The following THADA variants were observed in gnomAD, a reference collection of about 807,000 sequenced individuals.
THADA encodes the protein THADA armadillo repeat containing, also known as tRNA (32-2'-O)-methyltransferase regulator THADA.
A neutral mutation model predicts 219.8 loss-of-function variants in THADA; 213 were observed. The observed-to-expected ratio is 0.97, with a 90% confidence interval of 0.87 to 1.09. THADA has a LOEUF of 1.09. THADA is among the 50% of genes least tolerant of loss of function. THADA has a pLI of 0.00. For missense variants in THADA, 2,956 were observed against 2,311.3 expected (o/e 1.28, Z -5.72); for synonymous variants, 1,018 against 828.9 (o/e 1.23, Z -3.92).
intron 22 of THADA, among the ~76,000 whole-genome samples, chr2:43,509,492 T>C (rs1170830075): frequency 6.6e-6 from 1 of 152,186 alleles, no homozygotes; most frequent in East Asian, 1.9e-4. Flanking sequence ...CTTAGCAAGG[T>C]AGTACCTGGT....
chr2:43,427,987 T>C (rs906890779), intron 28 of THADA, 113 bp downstream of exon 28: 49 of 425,250 alleles, frequency 1.2e-4, no homozygotes, highest in Non-Finnish European at 1.3e-4. Context: ...ATAATATATA[T>C]ATATAAAATA....
At chr2:43,259,399 T>C (rs1032799034) in intron 36 of THADA, among the ~76,000 whole-genome samples, 4 of 152,216 alleles carry the variant, frequency 2.6e-5, no homozygotes, top group African/African-American at 9.6e-5. Context: ...TAGTACATGA[T>C]TGTCCGCTCC....
intron 28 of THADA, among the ~76,000 whole-genome samples, chr2:43,404,011 A>T (rs1313958919): frequency 6.6e-6 from 1 of 152,220 alleles, no homozygotes; most frequent in African/African-American, 2.4e-5. Context: ...AGCAGGCTGA[A>T]GCTCTGGATT....
intron 24 of THADA, among the ~76,000 whole-genome samples, chr2:43,500,464 C>G (rs1688812953): frequency 6.6e-6 from 1 of 152,016 alleles, no homozygotes; most frequent in Non-Finnish European, 1.5e-5. Flanking sequence ...AAAGGAAAAC[C>G]ACAGGCCAGT....
At chr2:43,536,379 T>A (rs1460669037) in intron 21 of THADA, among the ~76,000 whole-genome samples, 2 of 152,218 alleles carry the variant, frequency 1.3e-5, no homozygotes, top group African/African-American at 4.8e-5. Context: ...TCTGGTAGTA[T>A]GTTACCTCCA....
intron 26 of THADA, among the ~76,000 whole-genome samples, chr2:43,443,414 T>C (rs189777252): frequency 1.1e-4 from 17 of 152,282 alleles, no homozygotes; most frequent in Admixed American, 2.6e-4. Flanking sequence ...TAAACACAAA[T>C]AAATAACGCT....
chr2:43,478,855 C>T (rs965315259), intron 26 of THADA, among the ~76,000 whole-genome samples: 1 of 152,144 alleles, frequency 6.6e-6, no homozygotes, highest in Admixed American at 6.5e-5. Context: ...AATCTATGAA[C>T]CTAAGAATGA....
intron 29 of THADA, among the ~76,000 whole-genome samples, chr2:43,355,621 G>C (rs754475932): frequency 4.6e-5 from 7 of 152,068 alleles, no homozygotes; most frequent in Non-Finnish European, 8.8e-5. Context: ...TTAGAGTTTT[G>C]TATCTTAGGT....
At chr2:43,593,989 CA>C (rs1185836785) in intron 1 of THADA, among the ~76,000 whole-genome samples, 1 of 152,120 alleles carries the variant, frequency 6.6e-6, no homozygotes, top group Non-Finnish European at 1.5e-5. Context: ...TACAGGGAAA[CA>C]GATTCCAGAT....
intron 26 of THADA, among the ~76,000 whole-genome samples, chr2:43,447,166 C>T (rs1223540620): frequency 6.6e-6 from 1 of 152,030 alleles, no homozygotes; most frequent in Non-Finnish European, 1.5e-5. Context: ...GAGAAAAGCC[C>T]CTTATAAAAC....
At chr2:43,535,956 C>T (rs1241638869) in intron 21 of THADA, among the ~76,000 whole-genome samples, 1 of 151,942 alleles carries the variant, frequency 6.6e-6, no homozygotes, top group East Asian at 2.0e-4. Context: ...AGGTGCACAC[C>T]ACACGCCCAG....
intron 29 of THADA, among the ~76,000 whole-genome samples, chr2:43,357,153 C>A (rs1467609129): frequency 3.3e-4 from 50 of 152,162 alleles, no homozygotes; most frequent in Non-Finnish European, 1.5e-5. Context: ...ACAAACAATT[C>A]ACAGATGAAA....
intron 30 of THADA, among the ~76,000 whole-genome samples, chr2:43,333,653 G>C (rs1384784944): frequency 6.6e-6 from 1 of 152,144 alleles, no homozygotes; most frequent in Non-Finnish European, 1.5e-5. Flanking sequence ...GTTAAGACTT[G>C]CTTCCCTTAA....
chr2:43,302,674 T>G (rs1676402803), intron 31 of THADA, among the ~76,000 whole-genome samples: 1 of 152,114 alleles, frequency 6.6e-6, no homozygotes, highest in South Asian at 2.1e-4. Context: ...CTATTATCAC[T>G]TCATGAAAGA....
chr2:43,543,702 C>A (rs1445669369), intron 20 of THADA, among the ~76,000 whole-genome samples: 1 of 152,170 alleles, frequency 6.6e-6, no homozygotes, highest in Non-Finnish European at 1.5e-5. Flanking sequence ...ATGTCCTTTG[C>A]CCACTTTTTG....
intron 19 of THADA, among the ~76,000 whole-genome samples, chr2:43,551,484 T>C: frequency 6.6e-6 from 1 of 152,070 alleles, no homozygotes. Flanking sequence ...ATCTGGAGCA[T>C]TTTGTATTTC....
At chr2:43,581,438 G>C (rs191182988) in intron 8 of THADA, among the ~76,000 whole-genome samples, 2 of 151,200 alleles carry the variant, frequency 1.3e-5, no homozygotes, top group Non-Finnish European at 2.9e-5. Flanking sequence ...GCGGAGGCAC[G>C]AGAATCGCTT....
At chr2:43,263,296 T>C (rs1037325221) in intron 36 of THADA, among the ~76,000 whole-genome samples, 1 of 152,140 alleles carries the variant, frequency 6.6e-6, no homozygotes, top group Non-Finnish European at 1.5e-5. Context: ...TCATTCTCCA[T>C]TGCATGATAC....
chr2:43,579,550 T>C (rs889080233), intron 8 of THADA, among the ~76,000 whole-genome samples: 2 of 152,174 alleles, frequency 1.3e-5, no homozygotes, highest in South Asian at 2.1e-4. Flanking sequence ...TCATCACTGA[T>C]AAGAAAACTG....
Sources: allele counts gnomAD v4.1 joint callset (sites outside exome capture counted in the v4.1 genomes callset), GRCh38; gene constraint gnomAD v4.1.1; transcripts MANE v1.5; gene names NCBI Gene and HGNC (gene_info 2026-07-23, HGNC 2026-07-21).